The following SCN7A variants were observed in gnomAD, a reference collection of about 807,000 sequenced individuals.
The protein encoded by SCN7A is sodium channel protein type 7 subunit alpha.
A neutral mutation model predicts 155.2 loss-of-function variants in SCN7A; 138 were observed. The ratio of observed to expected loss-of-function variants is 0.89; its 90% CI spans 0.77 to 1.02. SCN7A has a LOEUF of 1.02. Ranked by LOEUF, SCN7A falls within the 50% of genes least tolerant of loss-of-function variation. The pLI, the probability that SCN7A is intolerant of heterozygous loss-of-function variation, is 0.00. For missense variants in SCN7A, 2,058 were observed against 1,986.6 expected (o/e 1.04, Z -0.68); for synonymous variants, 693 against 649.0 (o/e 1.07, Z -1.03).
chr2:166,413,810 T>A, intron 21 of SCN7A, among the ~76,000 whole-genome samples: 1 of 150,316 alleles, frequency 6.7e-6, no homozygotes, highest in Non-Finnish European at 1.5e-5. Flanking sequence ...TTTTCTCCTG[T>A]GCTGGATGCT....
rs150857809 is a variant in SCN7A, at chr2:166,462,423, A to G, written c.1049T>C (p.Met350Thr). Residue 350 changes from methionine to threonine, a missense_variant, in exon 10 of 26, where the codon ATG (methionine) becomes ACG (threonine). Met to Thr is a moderately conservative substitution (Grantham distance 81, BLOSUM62 -1). Transcript: ENST00000643258. ...AAGTACTTCAGGGTAATCCTGAGCC[A>G]TTAACCGAAATAGGGCAAATAAGGC... is the stretch of plus-strand genomic sequence containing the variant. ...GWALFALFRLMAQDYPEVLYH... is the reference protein window; with the variant it reads ...GWALFALFRLTAQDYPEVLYH... 29 of 1,604,598 alleles carry G rather than the reference A, an allele frequency of 1.8e-5. No homozygotes were observed. The African/African-American group carries it at 2.9e-4, about 16-fold the overall frequency.
chr2:166,422,706 AC>A (rs1701536461), intron 19 of SCN7A, among the ~76,000 whole-genome samples: 2 of 152,178 alleles, frequency 1.3e-5, no homozygotes. Context: ...TGTTGATTTT[AC>A]CCTGAATGAG....
At chr2:166,473,974 A>G in intron 4 of SCN7A, 86 bp from the exon 5 acceptor site, 1 of 715,948 alleles carries the variant, frequency 1.4e-6, no homozygotes, top group Non-Finnish European at 2.2e-6. Flanking sequence ...ATGTTGAAAA[A>G]TATTAATCTT....
rs192086191 is a variant in SCN7A at position 166,492,914 on chromosome 2, T to A, written c.-128+1054A>T. On this transcript the variant is annotated intron_variant, in intron 1 of 25. Transcript: ENST00000643258. ...CAAGTTAAATAATTGGCTTAATTTGTACAAAAATTGAAATCAAGTTTTGTA... is the reference window on the plus strand; with the variant it reads ...CAAGTTAAATAATTGGCTTAATTTGAACAAAAATTGAAATCAAGTTTTGTA... Among the ~76,000 whole-genome samples, 108 of 152,370 alleles carry A rather than the reference T, an allele frequency of 7.1e-4. 1 individual carries two copies. Among genetic ancestry groups the A allele is most frequent in the African/African-American group, 2.4e-3 (98 of 41,586 alleles).
intron 1 of SCN7A, among the ~76,000 whole-genome samples, chr2:166,488,649 T>A (rs548163707): frequency 2.7e-4 from 41 of 152,070 alleles, no homozygotes; most frequent in Non-Finnish European, 4.9e-4. Flanking sequence ...TTTTTTTATT[T>A]TTTTTTGAGA....
At chr2:166,439,681 T>C (rs1420898278) in intron 15 of SCN7A, among the ~76,000 whole-genome samples, 2 of 152,206 alleles carry the variant, frequency 1.3e-5, no homozygotes, top group Non-Finnish European at 2.9e-5. Flanking sequence ...GAATGAAAAG[T>C]GTACTACTGT....
At chr2:166,443,759 AC>A in intron 13 of SCN7A, 83 bp from the exon 14 acceptor site, 1 of 927,144 alleles carries the variant, frequency 1.1e-6, no homozygotes, top group Non-Finnish European at 1.6e-6. Flanking sequence ...TGTGACACAC[AC>A]TGTTTACTTG....
chr2:166,441,793 C>CA, intron 14 of SCN7A, 41 bp from the exon 15 acceptor site: 1 of 1,496,062 alleles, frequency 6.7e-7, no homozygotes, highest in Non-Finnish European at 9.1e-7. Flanking sequence ...AAACAAATGA[C>CA]AAAAAACTTG....
rs372297374 is a variant in SCN7A at position 166,423,305 on chromosome 2, G to T, written c.2981C>A (p.Ala994Asp). The stretch of plus-strand genomic sequence containing the variant: ...CCTGTACCAGCCATTAGAGAAATAG[G>T]CCTTAAAACCATATGCCATCCATTT... ...LLKWMAYGFK[A>D]YFSNGWYRLD... Residue 994 changes from alanine to aspartate, a missense_variant, in exon 19 of 26, where the codon GCC becomes GAC. Coordinates refer to ENST00000643258, the MANE Select transcript of SCN7A (RefSeq NM_002976.4). The T allele has an allele frequency of 5.0e-6, 8 of 1,611,820 alleles. No individual in the cohort carries two copies. Among genetic ancestry groups the T allele is most frequent in the Admixed American group, 1.7e-5 (1 of 59,682 alleles).
intron 11 of SCN7A, among the ~76,000 whole-genome samples, chr2:166,451,312 A>C (rs866294131): frequency 6.6e-6 from 1 of 152,190 alleles, no homozygotes; most frequent in Non-Finnish European, 1.5e-5. Context: ...GCTTCTTATA[A>C]ATACTGAATA....
At chr2:166,420,629 T>C (rs1701491383) in intron 20 of SCN7A, among the ~76,000 whole-genome samples, 1 of 152,148 alleles carries the variant, frequency 6.6e-6, no homozygotes, top group Admixed American at 6.5e-5. Flanking sequence ...TTTTCAGACA[T>C]TGGCCATTTT....
Position 166,432,313 on chromosome 2 carries a change from C to T in SCN7A, c.2592+5G>A. The T allele has an allele frequency of 6.3e-7, 1 of 1,593,324 alleles. No homozygotes were observed. The highest frequency in any genetic ancestry group is 8.5e-7 in the Non-Finnish European group (1 of 1,170,656). On this transcript the variant is annotated splice_donor_5th_base_variant and intron_variant, in intron 16 of 25. Transcript: ENST00000643258. ...CTAAGCAATCAGGATATTTAAACAT[C>T]TTACCTCTTTGCTGCCTCCATCACC...
At chr2:166,470,443 G>GT (rs1211610032) in intron 7 of SCN7A, among the ~76,000 whole-genome samples, 172 bp downstream of exon 7, 1 of 151,734 alleles carries the variant, frequency 6.6e-6, no homozygotes, top group African/African-American at 2.4e-5. Context: ...GTCAATGTAC[G>GT]TTTTTTCTTC....
chr2:166,475,096 A>ATATATACATATATACG (rs1702756226), intron 3 of SCN7A, among the ~76,000 whole-genome samples: 1 of 117,038 alleles, frequency 8.5e-6, no homozygotes, highest in Non-Finnish European at 1.7e-5. Context: ...ATATATACAC[A>ATATATACATATATACG]TATATATGTA....
rs748903211 is a variant in SCN7A, at chr2:166,432,365, C to G, written c.2545G>C (p.Asp849His). Residue 849 changes from aspartate to histidine, a missense_variant, in exon 16 of 26, where the codon GAT becomes CAT. Physicochemically the swap from Asp to His is moderately conservative, Grantham distance 81. Transcript: ENST00000643258. ...ASGESDIENL[D>H]NKEIQSKSGD... ...GACTTACTCTGAATCTCCTTATTATCCAGATTTTCTATATCAGATTCTCCT... is the reference window on the plus strand; with the variant it reads ...GACTTACTCTGAATCTCCTTATTATGCAGATTTTCTATATCAGATTCTCCT... The G allele has an allele frequency of 4.3e-6, 7 of 1,612,596 alleles. No individual in the cohort carries two copies. The highest frequency in any genetic ancestry group is 1.1e-5 in the South Asian group (1 of 90,810).
chr2:166,481,294 T>C (rs1174891458), intron 2 of SCN7A, among the ~76,000 whole-genome samples: 1 of 152,104 alleles, frequency 6.6e-6, no homozygotes, highest in Non-Finnish European at 1.5e-5. Flanking sequence ...TAAATAAGAA[T>C]AAATCAAAAT....
At chr2:166,424,079 A>G (rs1701569373) in intron 18 of SCN7A, among the ~76,000 whole-genome samples, 1 of 152,126 alleles carries the variant, frequency 6.6e-6, no homozygotes, top group South Asian at 2.1e-4. Context: ...TAAGAGGACA[A>G]AAAGCAAGCA....
In SCN7A at chr2:166,405,754, CT is replaced by C; in HGVS notation, c.4874del (p.Glu1625GlyfsTer17). The C allele has an allele frequency of 1.2e-5, 19 of 1,612,978 alleles. No individual in the cohort carries two copies. Among genetic ancestry groups the C allele is most frequent in the Non-Finnish European group, 1.4e-5 (17 of 1,179,340 alleles). On this transcript the variant is annotated frameshift_variant, in exon 26 of 26. Transcript: ENST00000643258. LOFTEE classifies it low-confidence loss of function (END_TRUNC). ...GTTGAATGATGGTTGCTGAAACTGC[CT>C]CTTGTTTTCGTTTCAAAGTAGTCGT... Reference protein sequence around the residue: ...PITTTLKRKQEAVSATIIQRA... With the variant: ...PITTTLKRKQXAVSATIIQRA...
chr2:166,420,263 A>C (rs1395993052), intron 20 of SCN7A, among the ~76,000 whole-genome samples: 1 of 152,144 alleles, frequency 6.6e-6, no homozygotes, highest in Non-Finnish European at 1.5e-5. Context: ...AATGTAACAC[A>C]TAATACAATA....
Sources: gnomAD v4.1 joint callset for allele counts (sites outside exome capture counted in the v4.1 genomes callset) on GRCh38, gnomAD v4.1.1 for gene constraint, MANE v1.5 for transcripts, NCBI Gene and HGNC (gene_info 2026-07-23, HGNC 2026-07-21) for gene names.